The following IFT56 variants were observed in gnomAD, a reference collection of about 807,000 sequenced individuals.
IFT56 encodes the protein intraflagellar transport protein 56.
At chr7:139,147,506 A>G in the IFT56 span, among the ~76,000 whole-genome samples, 4 of 152,014 alleles carry the variant, frequency 2.6e-5, no homozygotes, top group East Asian at 1.9e-4. Flanking sequence ...TTTTCCCCCA[A>G]TTGCCCTCCC....
chr7:139,136,288 T>A, the IFT56 span, among the ~76,000 whole-genome samples: 7 of 152,118 alleles, frequency 4.6e-5, no homozygotes, highest in Non-Finnish European at 7.4e-5. Context: ...GGGCATCAGC[T>A]TTCTCATCTT....
chr7:139,164,610 A>T, the IFT56 span, among the ~76,000 whole-genome samples: 2 of 152,212 alleles, frequency 1.3e-5, no homozygotes, highest in East Asian at 3.8e-4. Context: ...GGTCATATGC[A>T]TCAATAGAGC....
the IFT56 span, chr7:139,191,687 G>T: frequency 6.6e-6 from 1 of 152,106 alleles, no homozygotes. Flanking sequence ...TTAAAGAAAG[G>T]TACCATCTAA....
the IFT56 span, among the ~76,000 whole-genome samples, chr7:139,167,935 G>A: frequency 3.7e-5 from 5 of 133,476 alleles, no homozygotes; most frequent in Admixed American, 1.5e-4. Flanking sequence ...AGCAAGACTC[G>A]GTCTCAAAAA....
the IFT56 span, chr7:139,137,977 G>C: frequency 8.0e-7 from 1 of 1,255,052 alleles, no homozygotes; most frequent in Non-Finnish European, 1.2e-6. Flanking sequence ...ACAGAACTGT[G>C]TTTAAAATGT....
At chr7:139,156,075 A>G in the IFT56 span, among the ~76,000 whole-genome samples, 1 of 152,026 alleles carries the variant, frequency 6.6e-6, no homozygotes, top group East Asian at 1.9e-4. Flanking sequence ...GTCAGTTCTG[A>G]TAGTTTATGT....
chr7:139,161,139 G>A, the IFT56 span: 1 of 848,910 alleles, frequency 1.2e-6, no homozygotes, highest in East Asian at 2.6e-5. Context: ...TACTCCAAGG[G>A]AACCCCTCCT....
chr7:139,166,441 T>C, the IFT56 span, among the ~76,000 whole-genome samples: 1 of 152,064 alleles, frequency 6.6e-6, no homozygotes, highest in South Asian at 2.1e-4. Flanking sequence ...GTCTTCTTTT[T>C]TCATCACCTC....
At chr7:139,189,469 G>C in the IFT56 span, 1 of 1,391,014 alleles carries the variant, frequency 7.2e-7, no homozygotes, top group Non-Finnish European at 1.0e-6. Context: ...CTTCTACTTT[G>C]ACATAAAACT....
At chr7:139,165,139 T>G in the IFT56 span, 2 of 1,612,832 alleles carry the variant, frequency 1.2e-6, no homozygotes, top group Non-Finnish European at 1.7e-6. Context: ...TAGGTTGTTT[T>G]CCGAGGAGGT....
chr7:139,143,458 A>T, the IFT56 span, among the ~76,000 whole-genome samples: 1 of 152,080 alleles, frequency 6.6e-6, no homozygotes, highest in Non-Finnish European at 1.5e-5. Context: ...CTCATCTCTG[A>T]AAAATTTCTC....
the IFT56 span, chr7:139,174,045 A>G: frequency 1.6e-6 from 1 of 609,250 alleles, no homozygotes; most frequent in Middle Eastern, 3.0e-4. Flanking sequence ...AGAGTCAATC[A>G]ACACCAGGCA....
the IFT56 span, among the ~76,000 whole-genome samples, chr7:139,154,024 A>G: frequency 6.6e-6 from 1 of 152,156 alleles, no homozygotes; most frequent in Admixed American, 6.6e-5. Context: ...TTTTGACTCT[A>G]GCCATTCTAG....
At chr7:139,185,069 A>G in the IFT56 span, among the ~76,000 whole-genome samples, 6 of 150,548 alleles carry the variant, frequency 4.0e-5, no homozygotes, top group Admixed American at 6.6e-5. Context: ...AAAAAAAAAA[A>G]GTAGCTGGGC....
chr7:139,133,795 T>A, the IFT56 span: 2 of 1,612,580 alleles, frequency 1.2e-6, no homozygotes, highest in African/African-American at 2.7e-5. Context: ...GCTGTGTGGA[T>A]GCGGCGAAAC....
At chr7:139,180,258 A>C in the IFT56 span, among the ~76,000 whole-genome samples, 1 of 152,084 alleles carries the variant, frequency 6.6e-6, no homozygotes, top group Non-Finnish European at 1.5e-5. Context: ...AATGGCGTGA[A>C]CCCGGGAGGC....
chr7:139,148,252 T>C, the IFT56 span: 173 of 1,613,602 alleles, frequency 1.1e-4, 1 homozygote, highest in Non-Finnish European at 2.6e-5. Context: ...CTACTACAAG[T>C]TGGATTACTA....
the IFT56 span, among the ~76,000 whole-genome samples, chr7:139,159,981 G>A: frequency 0.02 from 3,114 of 151,954 alleles, 57 homozygotes; most frequent in African/African-American, 0.039. Flanking sequence ...GCTATTTCCC[G>A]CATAAACAAA....
At chr7:139,154,174 A>G in the IFT56 span, among the ~76,000 whole-genome samples, 1 of 152,054 alleles carries the variant, frequency 6.6e-6, no homozygotes, top group Non-Finnish European at 1.5e-5. Context: ...CCATTTTTTA[A>G]ATAAGTTATT....
Sources: allele counts gnomAD v4.1 joint callset (sites outside exome capture counted in the v4.1 genomes callset), GRCh38; gene constraint gnomAD v4.1.1; transcripts MANE v1.5; gene names NCBI Gene and HGNC (gene_info 2026-07-23, HGNC 2026-07-21).